Variants in NFE2L2 observed in about 807,000 individuals in gnomAD.
NFE2L2 encodes nuclear factor erythroid 2-related factor 2.
NFE2L2 carries 20 observed loss-of-function variants against 49.6 expected under a neutral mutation model. The ratio of observed to expected loss-of-function variants is 0.40; its 90% confidence interval spans 0.28 to 0.59. NFE2L2 has a LOEUF of 0.59. Among genes scored for constraint, NFE2L2 ranks in the 20% least tolerant of loss-of-function variants. The probability of loss-of-function intolerance (pLI) is 0.40; values close to 1 mark genes in which losing one functional copy is unlikely to be tolerated. For synonymous variants in NFE2L2, 244 were observed against 256.5 expected (o/e 0.95, Z 0.47); for missense variants, 578 against 714.2 (o/e 0.81, Z 2.17).
chr2:177,244,105 C>T (rs1213003733), intron 1 of NFE2L2, among the ~76,000 whole-genome samples: 4 of 151,620 alleles, frequency 2.6e-5, no homozygotes, highest in Non-Finnish European at 5.9e-5. Context: ...TTGAGACCAT[C>T]CTGGCTAACA....
rs117091737 is a variant in NFE2L2, at chr2:177,240,948, A to G, written c.46-6677T>C. On this transcript the variant is annotated intron_variant, in intron 1 of 4. Coordinates refer to ENST00000397062, the MANE Select transcript of NFE2L2 (RefSeq NM_006164.5). Reference sequence around the variant, plus strand: ...TGAAATGAAAAGTAATCTTTTAGACACTCAAATGTCTAATTAAGGCTTGCA... The same window carrying G: ...TGAAATGAAAAGTAATCTTTTAGACGCTCAAATGTCTAATTAAGGCTTGCA... 3.0e-3 allele frequency among the ~76,000 whole-genome samples: 453 copies of G among 152,276 alleles called. 10 individuals are homozygous for G. The East Asian group carries it at 0.046, about 15-fold the overall frequency.
chr2:177,259,034 G>A (rs977357377), intron 1 of NFE2L2, among the ~76,000 whole-genome samples: 5 of 152,248 alleles, frequency 3.3e-5, no homozygotes, highest in African/African-American at 1.2e-4. Context: ...TGGAGGTCAG[G>A]CGCAGTGGCT....
At chr2:177,246,332 A>T (rs955151761) in intron 1 of NFE2L2, among the ~76,000 whole-genome samples, 1 of 152,200 alleles carries the variant, frequency 6.6e-6, no homozygotes, top group African/African-American at 2.4e-5. Context: ...GGATTTTCTT[A>T]CTATGGTCTG....
At chr2:177,253,663 C>T (rs1690418643) in intron 1 of NFE2L2, among the ~76,000 whole-genome samples, 1 of 152,074 alleles carries the variant, frequency 6.6e-6, no homozygotes, top group Non-Finnish European at 1.5e-5. Context: ...ACAAAGATAC[C>T]ATGTTTTATA....
intron 1 of NFE2L2, among the ~76,000 whole-genome samples, chr2:177,261,487 G>A (rs758784135): frequency 3.3e-5 from 5 of 152,180 alleles, no homozygotes; most frequent in African/African-American, 7.2e-5. Context: ...GGTACAGTCT[G>A]GAAGTGGTGA....
chr2:177,235,189 G>A (rs1013214841), intron 1 of NFE2L2, among the ~76,000 whole-genome samples: 3 of 152,162 alleles, frequency 2.0e-5, no homozygotes, highest in African/African-American at 7.2e-5. Context: ...ACTTTGGGAG[G>A]CTGAGGCAGG....
chr2:177,247,029 G>A (rs923862115), intron 1 of NFE2L2, among the ~76,000 whole-genome samples: 14 of 152,094 alleles, frequency 9.2e-5, no homozygotes, highest in South Asian at 6.2e-4. Flanking sequence ...TACAAATATT[G>A]CTATAATGAA....
intron 1 of NFE2L2, among the ~76,000 whole-genome samples, chr2:177,236,372 T>G (rs1326873122): frequency 6.6e-6 from 1 of 152,178 alleles, no homozygotes; most frequent in Non-Finnish European, 1.5e-5. Context: ...CAATATATAT[T>G]GTAAAGCACA....
intron 1 of NFE2L2, among the ~76,000 whole-genome samples, chr2:177,245,862 A>T (rs1054323950): frequency 6.6e-6 from 1 of 152,182 alleles, no homozygotes; most frequent in Non-Finnish European, 1.5e-5. Flanking sequence ...TGCCTGCCTC[A>T]GCCTCCCAAA....
chr2:177,230,732 TTAGTA>T lies in NFE2L2; in HGVS notation c.*48_*52del, dbSNP rs893301872. On this transcript the variant is annotated 3_prime_UTR_variant, in exon 5 of 5. Coordinates refer to ENST00000397062, the MANE Select transcript of NFE2L2 (RefSeq NM_006164.5). ...GCATTTCACATCACAGTAGGAGCTT[TTAGTA>T]TAATAGTACAAAAAAACTAGCTCAG... is the stretch of plus-strand genomic sequence containing the variant. 100 of 1,510,910 alleles carry T rather than the reference TTAGTA, an allele frequency of 6.6e-5. No individual in the cohort carries two copies. The African/African-American group carries it at 1.3e-3, about 19-fold the overall frequency. 93.6% of individuals were successfully genotyped at this position (1,510,910 alleles called of 1,614,324 possible).
intron 1 of NFE2L2, among the ~76,000 whole-genome samples, chr2:177,258,571 G>A (rs1012327474): frequency 6.6e-6 from 1 of 152,046 alleles, no homozygotes; most frequent in Non-Finnish European, 1.5e-5. Flanking sequence ...GCATAACCCT[G>A]AATTAGATTA....
At chr2:177,258,304 T>C (rs1391028740) in intron 1 of NFE2L2, among the ~76,000 whole-genome samples, 1 of 152,236 alleles carries the variant, frequency 6.6e-6, no homozygotes, top group East Asian at 1.9e-4. Flanking sequence ...TGAAAACATA[T>C]TGCTGTGAAA....
At chr2:177,239,725 CA>C (rs1558983632) in intron 1 of NFE2L2, among the ~76,000 whole-genome samples, 1 of 151,854 alleles carries the variant, frequency 6.6e-6, no homozygotes, top group East Asian at 1.9e-4. Flanking sequence ...GGTCTCAAAA[CA>C]AAACAAAACA....
chr2:177,264,488 C>T (rs1690865248), intron 1 of NFE2L2, 44 bp downstream of exon 1: 1 of 1,514,294 alleles, frequency 6.6e-7, no homozygotes, highest in African/African-American at 1.4e-5. Context: ...CTCCCCCGCC[C>T]CCGTCCCGGC....
chr2:177,253,491 T>C (rs1203531273), intron 1 of NFE2L2, among the ~76,000 whole-genome samples: 1 of 152,198 alleles, frequency 6.6e-6, no homozygotes, highest in African/African-American at 2.4e-5. Context: ...CTGCATTATC[T>C]TGGAAGATTA....
Position 177,264,498 on chromosome 2 carries a change from C to A in NFE2L2, c.45+34G>T, listed in dbSNP as rs562604629. Reference sequence around the variant, plus strand: ...CCTAGCTCCCCCGCCCCCGTCCCGGCACCACCGCAGGGCCCAGAGGGCCGA... The same window carrying A: ...CCTAGCTCCCCCGCCCCCGTCCCGGAACCACCGCAGGGCCCAGAGGGCCGA... On this transcript the variant is annotated intron_variant, in intron 1 of 4. Coordinates refer to ENST00000397062, the MANE Select transcript of NFE2L2 (RefSeq NM_006164.5). 2.7e-5 allele frequency: 41 copies of A among 1,518,330 alleles called. No homozygotes were observed. In the Admixed American group the frequency reaches 6.0e-4, roughly 22 times the overall value. 94.1% of individuals were successfully genotyped at this position (1,518,330 alleles called of 1,614,324 possible).
chr2:177,264,471 TC>T, intron 1 of NFE2L2, 60 bp downstream of exon 1: 1 of 1,490,924 alleles, frequency 6.7e-7, no homozygotes. Flanking sequence ...GGGCCGCGGT[TC>T]CCTAGCTCCC....
intron 1 of NFE2L2, among the ~76,000 whole-genome samples, chr2:177,240,763 G>T (rs769552343): frequency 1.3e-5 from 2 of 152,112 alleles, no homozygotes; most frequent in Admixed American, 6.5e-5. Context: ...CTTGAACACA[G>T]AATCCATATT....
Position 177,264,568 on chromosome 2 carries a change from G to A in NFE2L2, c.9C>T (p.Asp3=). The A allele has an allele frequency of 6.6e-7, 1 of 1,517,234 alleles. No homozygotes were observed. The highest frequency in any genetic ancestry group is 8.8e-7 in the Non-Finnish European group (1 of 1,131,538). 94.0% of individuals were successfully genotyped at this position (1,517,234 alleles called of 1,614,324 possible). ...GGAGTCCCGGCGGCGGCAGCTCCAA[G>A]TCCATCATGATGAGCTGTGGACCGT... MM[D]LELPPPGLPS... is the part of the protein sequence containing the mutation. The change falls in exon 1 of 5, where the codon GAC becomes GAT. Residue 3 remains aspartate, a synonymous_variant. Coordinates refer to ENST00000397062, the MANE Select transcript of NFE2L2 (RefSeq NM_006164.5).
Sources: allele counts gnomAD v4.1 joint callset (sites outside exome capture counted in the v4.1 genomes callset), GRCh38; gene constraint gnomAD v4.1.1; transcripts MANE v1.5; gene names NCBI Gene and HGNC (gene_info 2026-07-23, HGNC 2026-07-21).